Variants in ACER2 observed in about 807,000 individuals in gnomAD.
The protein encoded by ACER2 is alkaline ceramidase 2.
In ACER2, 26 loss-of-function variants were observed where a neutral mutation model predicts 34.7. The observed-to-expected ratio is 0.75, with a 90% CI of 0.55 to 1.04. The LOEUF is 1.04. Among genes scored for constraint, ACER2 ranks in the 50% least tolerant of loss-of-function variants. The pLI, the probability that ACER2 is intolerant of heterozygous loss-of-function variation, is 0.00. For missense variants in ACER2, 352 were observed against 340.8 expected, an observed-to-expected ratio of 1.03 and a Z score of -0.26; for synonymous variants, 138 against 132.1, an observed-to-expected ratio of 1.04 and a Z score of -0.31.
At chr9:19,422,532 A>C (rs1001684072) in intron 1 of ACER2, among the ~76,000 whole-genome samples, 1 of 152,164 alleles carries the variant, frequency 6.6e-6, no homozygotes, top group Admixed American at 6.5e-5. Flanking sequence ...TTTACTTAAA[A>C]ATAGGTTTTG....
chr9:19,412,917 T>C (rs1203022283), intron 1 of ACER2, among the ~76,000 whole-genome samples: 3 of 152,208 alleles, frequency 2.0e-5, no homozygotes. Context: ...CTCTGTTTTA[T>C]TGTTTTCATT....
At chr9:19,440,071 C>T (rs546127366) in intron 4 of ACER2, among the ~76,000 whole-genome samples, 1 of 152,230 alleles carries the variant, frequency 6.6e-6, no homozygotes, top group South Asian at 2.1e-4. Context: ...ACCCAAATCC[C>T]TCTCTATAGG....
intron 3 of ACER2, among the ~76,000 whole-genome samples, chr9:19,425,271 G>T (rs567666564): frequency 6.6e-6 from 1 of 152,216 alleles, no homozygotes; most frequent in Non-Finnish European, 1.5e-5. Flanking sequence ...TACAGATACT[G>T]TAGTTTTCAA....
chr9:19,446,532 C>T (rs995641456), intron 5 of ACER2, 114 bp downstream of exon 5: 143 of 1,558,396 alleles, frequency 9.2e-5, no homozygotes, highest in Non-Finnish European at 1.1e-4. Flanking sequence ...TGGCTTGCTT[C>T]TCTCCTCAGG....
chr9:19,440,840 C>T (rs1220802118), intron 4 of ACER2, among the ~76,000 whole-genome samples: 1 of 152,094 alleles, frequency 6.6e-6, no homozygotes, highest in African/African-American at 2.4e-5. Context: ...GCCTGCCTAA[C>T]CTGTCTAATT....
chr9:19,450,318 T>G (rs2132540008), intron 5 of ACER2, 132 bp from the exon 6 acceptor site: 1 of 1,337,414 alleles, frequency 7.5e-7, no homozygotes, highest in Non-Finnish European at 9.6e-7. Context: ...CCTTTCCTAA[T>G]TAGAAGAGGC....
intron 5 of ACER2, among the ~76,000 whole-genome samples, chr9:19,448,284 G>T (rs951220653): frequency 6.6e-6 from 1 of 152,058 alleles, no homozygotes; most frequent in East Asian, 1.9e-4. Context: ...AAAGTGCTGG[G>T]ATTACAGGCA....
chr9:19,425,820 A>G (rs1397996665), intron 3 of ACER2, among the ~76,000 whole-genome samples: 2 of 152,230 alleles, frequency 1.3e-5, no homozygotes, highest in East Asian at 1.9e-4. Flanking sequence ...CAAAATATAC[A>G]TATATGGCTA....
chr9:19,446,462 T>C, intron 5 of ACER2, 44 bp downstream of exon 5: 5 of 1,612,816 alleles, frequency 3.1e-6, no homozygotes, highest in Non-Finnish European at 3.4e-6. Flanking sequence ...CAGGTGTGTT[T>C]GCACTTGCTG....
At chr9:19,417,753 C>T (rs1830279030) in intron 1 of ACER2, among the ~76,000 whole-genome samples, 1 of 152,216 alleles carries the variant, frequency 6.6e-6, no homozygotes, top group Admixed American at 6.5e-5. Context: ...ACCATGAAAA[C>T]CCTAGAAGGA....
At chr9:19,412,065 GTAAC>G (rs1191713206) in intron 1 of ACER2, among the ~76,000 whole-genome samples, 1 of 152,156 alleles carries the variant, frequency 6.6e-6, no homozygotes, top group Non-Finnish European at 1.5e-5. Context: ...AAGTGCCACT[GTAAC>G]TAACTTAGAT....
At chr9:19,434,480 G>A (rs1239356708) in intron 3 of ACER2, among the ~76,000 whole-genome samples, 4 of 152,182 alleles carry the variant, frequency 2.6e-5, no homozygotes, top group Non-Finnish European at 5.9e-5. Flanking sequence ...CAGCCTGGGC[G>A]CCATTGAGCA....
At chr9:19,409,807 C>A in intron 1 of ACER2, 1 of 985,310 alleles carries the variant, frequency 1.0e-6, no homozygotes, top group Non-Finnish European at 1.2e-6. Flanking sequence ...AATTCAACTC[C>A]CCCAGGACTG....
intron 1 of ACER2, among the ~76,000 whole-genome samples, chr9:19,417,752 A>T (rs947759165): frequency 5.3e-5 from 8 of 152,334 alleles, no homozygotes; most frequent in Middle Eastern, 3.4e-3. Flanking sequence ...AACCATGAAA[A>T]CCCTAGAAGG....
chr9:19,435,085 G>A lies in ACER2; in HGVS notation c.503+1G>A. ...CACTGCTCATCGCAGAGCTAAAGAGGTAGGTGCCATCATTCCTGCCTACCC... is the reference window on the plus strand; with the variant it reads ...CACTGCTCATCGCAGAGCTAAAGAGATAGGTGCCATCATTCCTGCCTACCC... On this transcript the variant is annotated splice_donor_variant, in intron 4 of 5. Coordinates refer to ENST00000340967, the MANE Select transcript of ACER2 (RefSeq NM_001010887.3). LOFTEE classifies it high-confidence loss of function. The A allele has an allele frequency of 6.2e-7, 1 of 1,614,062 alleles. No individual in the cohort carries two copies. Among genetic ancestry groups the A allele is most frequent in the Non-Finnish European group, 8.5e-7 (1 of 1,179,986 alleles).
At chr9:19,433,941 G>T (rs926500498) in intron 3 of ACER2, among the ~76,000 whole-genome samples, 5 of 151,912 alleles carry the variant, frequency 3.3e-5, no homozygotes, top group Non-Finnish European at 5.9e-5. Flanking sequence ...GCGGCTGGCC[G>T]GGCAGGGGGC....
chr9:19,452,065 ATCTTC>A lies in ACER2; in HGVS notation c.*1435_*1439del, dbSNP rs1831588270. ...CCTAATGTGACACTGGCTACAATGAATCTTCTCTTCATCGGGCTGAATGAAAGATT... is the reference window on the plus strand; with the variant it reads ...CCTAATGTGACACTGGCTACAATGAATCTTCATCGGGCTGAATGAAAGATT... On this transcript the variant is annotated 3_prime_UTR_variant, in exon 6 of 6. Coordinates refer to ENST00000340967, the MANE Select transcript of ACER2 (RefSeq NM_001010887.3). 6.6e-6 allele frequency: 1 copy of A among 152,640 alleles called. No homozygotes were observed. The highest frequency in any genetic ancestry group is 2.4e-5 in the African/African-American group (1 of 41,444). The allele number at this position is 152,640 out of a possible 1,614,324, so 9.5% of individuals were successfully genotyped here. A position where few individuals can be genotyped will look rare whatever the true frequency, so the allele number is the denominator to read the frequency against.
chr9:19,409,651 C>G (rs1031865946), intron 1 of ACER2: 2 of 783,750 alleles, frequency 2.6e-6, no homozygotes, highest in African/African-American at 3.8e-5. Flanking sequence ...CCGCAGGTCC[C>G]CGCGGCTGGG....
At chr9:19,435,144 G>C in intron 4 of ACER2, 60 bp downstream of exon 4, 1 of 1,587,522 alleles carries the variant, frequency 6.3e-7, no homozygotes, top group Non-Finnish European at 8.6e-7. Context: ...ACACCAGTTC[G>C]GGGCTTCTTT....
Sources: allele counts gnomAD v4.1 joint callset (sites outside exome capture counted in the v4.1 genomes callset), GRCh38; gene constraint gnomAD v4.1.1; transcripts MANE v1.5; gene names NCBI Gene and HGNC (gene_info 2026-07-23, HGNC 2026-07-21).